The following ADK variants were observed in gnomAD, a reference collection of about 807,000 sequenced individuals.
ADK encodes the protein N6,N6-dimethyladenosine kinase.
A neutral mutation model predicts 44.7 loss-of-function variants in ADK; 24 were observed. The observed-to-expected ratio is 0.54, with a 90% CI of 0.39 to 0.76. ADK has a LOEUF of 0.76. ADK is among the 30% of genes least tolerant of loss of function. The probability of loss-of-function intolerance (pLI) is 0.00; values close to 1 mark genes in which losing one functional copy is unlikely to be tolerated. For missense variants in ADK, 321 were observed against 425.1 expected, an observed-to-expected ratio of 0.76 and a Z score of 2.15; for synonymous variants, 128 against 142.6, an observed-to-expected ratio of 0.90 and a Z score of 0.73.
intron 3 of ADK, among the ~76,000 whole-genome samples, chr10:74,297,458 G>A (rs1407122085): frequency 6.6e-6 from 1 of 152,132 alleles, no homozygotes; most frequent in Non-Finnish European, 1.5e-5. Flanking sequence ...CTAAATATTT[G>A]TTTTCCAGTT....
At chr10:74,573,629 C>A (rs1477156114) in intron 7 of ADK, among the ~76,000 whole-genome samples, 1 of 152,210 alleles carries the variant, frequency 6.6e-6, no homozygotes, top group African/African-American at 2.4e-5. Context: ...CAGAGGCAGG[C>A]AGGCCTCCTT....
chr10:74,477,281 T>C (rs1250334538), intron 6 of ADK, among the ~76,000 whole-genome samples: 1 of 152,170 alleles, frequency 6.6e-6, no homozygotes, highest in Non-Finnish European at 1.5e-5. Flanking sequence ...CTCAGCTTAC[T>C]GCAGCTGCAA....
intron 9 of ADK, among the ~76,000 whole-genome samples, chr10:74,628,723 A>T (rs1040787084): frequency 6.6e-6 from 1 of 152,100 alleles, no homozygotes; most frequent in African/African-American, 2.4e-5. Context: ...TCTCTCTTAG[A>T]TAGCCAGTGT....
rs540277483 is a variant in ADK, at chr10:74,204,911, G to A, written c.140+4073G>A. Reference sequence around the variant, plus strand: ...AAAAATTAGCCAGGTGTGATGGCACGCACCTGTAGTCCCAGTTACTCGGGT... The same window carrying A: ...AAAAATTAGCCAGGTGTGATGGCACACACCTGTAGTCCCAGTTACTCGGGT... On this transcript the variant is annotated intron_variant, in intron 2 of 10. Transcript: ENST00000539909. Among the ~76,000 whole-genome samples the A allele has an allele frequency of 3.7e-3, 565 of 151,756 alleles. 2 individuals carry two copies. The highest frequency in any genetic ancestry group is 0.013 in the African/African-American group (526 of 41,426).
chr10:74,232,243 G>C lies in ADK; in HGVS notation c.194+7652G>C, dbSNP rs545683429. Reference sequence around the variant, plus strand: ...TGCTTAAAAGAAAATAATTGGCCGAGTGTGGTAGCTCACGCCTGTAGTCCC... The same window carrying C: ...TGCTTAAAAGAAAATAATTGGCCGACTGTGGTAGCTCACGCCTGTAGTCCC... On this transcript the variant is annotated intron_variant, in intron 3 of 10. Coordinates refer to ENST00000539909, the MANE Select transcript of ADK (RefSeq NM_006721.4). Among the ~76,000 whole-genome samples, 4 of 152,266 alleles carry C rather than the reference G, an allele frequency of 2.6e-5. No individual in the cohort carries two copies. In the South Asian group the frequency reaches 8.3e-4, roughly 32 times the overall value.
At chr10:74,312,089 C>A (rs1219310892) in intron 3 of ADK, among the ~76,000 whole-genome samples, 1 of 152,030 alleles carries the variant, frequency 6.6e-6, no homozygotes, top group African/African-American at 2.4e-5. Flanking sequence ...TCACTTGAAC[C>A]AGGGAGTCAG....
At chr10:74,413,059 A>C (rs990828740) in intron 6 of ADK, among the ~76,000 whole-genome samples, 30 of 149,380 alleles carry the variant, frequency 2.0e-4, no homozygotes, top group African/African-American at 7.3e-4. Flanking sequence ...ACTGTCCCCA[A>C]AAAAAAAAAA....
chr10:74,441,528 T>C (rs1845406267), intron 6 of ADK, among the ~76,000 whole-genome samples: 1 of 152,188 alleles, frequency 6.6e-6, no homozygotes, highest in Admixed American at 6.5e-5. Context: ...TAAATAAAAT[T>C]AGATTGTTAT....
At chr10:74,692,524 A>G (rs1008104083) in intron 10 of ADK, among the ~76,000 whole-genome samples, 2 of 152,202 alleles carry the variant, frequency 1.3e-5, no homozygotes, top group Non-Finnish European at 2.9e-5. Context: ...CTATTAAGCC[A>G]AGAAAAGACA....
At chr10:74,651,962 G>T (rs1854289799) in intron 9 of ADK, among the ~76,000 whole-genome samples, 2 of 152,002 alleles carry the variant, frequency 1.3e-5, no homozygotes, top group African/African-American at 4.8e-5. Context: ...AATTTACAGT[G>T]ATAGAAATCA....
intron 3 of ADK, among the ~76,000 whole-genome samples, chr10:74,292,073 A>G (rs1325299405): frequency 6.6e-6 from 1 of 151,970 alleles, no homozygotes; most frequent in Non-Finnish European, 1.5e-5. Flanking sequence ...CTTTTTCTCA[A>G]ATGTATTTAT....
At chr10:74,607,796 A>G (rs1243349642) in intron 9 of ADK, among the ~76,000 whole-genome samples, 4 of 152,090 alleles carry the variant, frequency 2.6e-5, no homozygotes, top group African/African-American at 7.2e-5. Context: ...AGATTGGGGA[A>G]GCTTTCTTGG....
intron 9 of ADK, among the ~76,000 whole-genome samples, chr10:74,669,438 T>C (rs1378656266): frequency 6.6e-6 from 1 of 152,234 alleles, no homozygotes; most frequent in Non-Finnish European, 1.5e-5. Context: ...TCATGTGCCA[T>C]GTTTAAAGTA....
intron 10 of ADK, among the ~76,000 whole-genome samples, chr10:74,682,132 TTGAAAGGGATTAGGG>T (rs532162547): frequency 1.9e-3 from 295 of 152,298 alleles, no homozygotes; most frequent in South Asian, 2.7e-3. Context: ...AAGCAGTGTT[TTGAAAGGGATTAGGG>T]TGAAAGGGCA....
At chr10:74,415,287 T>A (rs1408225984) in intron 6 of ADK, among the ~76,000 whole-genome samples, 3 of 152,234 alleles carry the variant, frequency 2.0e-5, no homozygotes. Context: ...ACTTTATGTA[T>A]TTTAGACCAA....
At chr10:74,158,646 C>A (rs1841817167) in intron 1 of ADK, among the ~76,000 whole-genome samples, 1 of 152,126 alleles carries the variant, frequency 6.6e-6, no homozygotes, top group Non-Finnish European at 1.5e-5. Context: ...ATTCTGAATT[C>A]CAAAACATAC....
intron 6 of ADK, among the ~76,000 whole-genome samples, chr10:74,460,075 T>A (rs747874320): frequency 6.6e-6 from 1 of 152,178 alleles, no homozygotes; most frequent in Non-Finnish European, 1.5e-5. Flanking sequence ...TGGAAGCTTG[T>A]TTCTGTCTCT....
chr10:74,278,366 TA>T (rs56769018), intron 3 of ADK, among the ~76,000 whole-genome samples: 43,982 of 113,858 alleles, frequency 0.39, 6,841 homozygotes, highest in Non-Finnish European at 0.42. Flanking sequence ...AAAAAAAAAT[TA>T]AAAAAAAAAA....
chr10:74,192,229 TTTTA>T (rs537635015), intron 1 of ADK, among the ~76,000 whole-genome samples: 131 of 152,198 alleles, frequency 8.6e-4, no homozygotes, highest in African/African-American at 3.0e-3. Flanking sequence ...TTTTTCTTTC[TTTTA>T]TTTGTTTTTT....
Sources: gnomAD v4.1 joint callset for allele counts (sites outside exome capture counted in the v4.1 genomes callset) on GRCh38, gnomAD v4.1.1 for gene constraint, MANE v1.5 for transcripts, NCBI Gene and HGNC (gene_info 2026-07-23, HGNC 2026-07-21) for gene names.